The following PSMA8 variants were observed in gnomAD, a reference collection of about 807,000 sequenced individuals.
The protein encoded by PSMA8 is proteasome subunit alpha-type 8.
Under a neutral mutation model 32.4 loss-of-function variants are expected in PSMA8, and 18 were observed. The ratio of observed to expected loss-of-function variants is 0.56; its 90% CI spans 0.38 to 0.82. The LOEUF is 0.82. Ranked by LOEUF, PSMA8 falls within the 40% of genes least tolerant of loss-of-function variation. The pLI is 0.00. For synonymous variants in PSMA8, 104 were observed against 98.1 expected, an observed-to-expected ratio of 1.06 and a Z score of -0.36; for missense variants, 298 against 300.7, an observed-to-expected ratio of 0.99 and a Z score of 0.07.
At position 26,192,319 on chromosome 18, in the gene PSMA8, A is replaced by G; in HGVS notation, c.661A>G (p.Met221Val). 1 of 1,497,936 alleles carries G rather than the reference A, an allele frequency of 6.7e-7. No homozygotes were observed. Among genetic ancestry groups the G allele is most frequent in the Non-Finnish European group, 8.8e-7 (1 of 1,133,458 alleles). The allele number at this position is 1,497,936 out of a possible 1,614,324, so 92.8% of individuals were successfully genotyped here. Residue 221 changes from methionine to valine, a missense_variant and splice_region_variant, in exon 7 of 7, where the codon ATG (methionine) becomes GTG (valine). Physicochemically the swap from Met to Val is conservative, Grantham distance 21. Coordinates refer to ENST00000415576, the MANE Select transcript of PSMA8 (RefSeq NM_001025096.2). ...TCTTTAAATTTTTTTCTCTTTTCAG[A>G]TGTTTAGTGCAAAAGAAGTTGAATT... ...AIIRRNQPLK[M>V]FSAKEVELYV...
intron 6 of PSMA8, among the ~76,000 whole-genome samples, chr18:26,185,561 G>A (rs2055346331): frequency 6.6e-6 from 1 of 150,712 alleles, no homozygotes; most frequent in African/African-American, 2.4e-5. Flanking sequence ...CAATCTGATT[G>A]GAAGACTGAA....
intron 4 of PSMA8, among the ~76,000 whole-genome samples, chr18:26,178,464 T>C (rs1304979587): frequency 1.3e-5 from 2 of 152,016 alleles, no homozygotes; most frequent in African/African-American, 4.8e-5. Flanking sequence ...CTGAGTGTGG[T>C]GATGCATACC....
chr18:26,146,414 T>C (rs1008341516), intron 2 of PSMA8, among the ~76,000 whole-genome samples: 12 of 152,210 alleles, frequency 7.9e-5, no homozygotes, highest in Admixed American at 4.6e-4. Context: ...AATGCCTTTA[T>C]TGTGCTGTCT....
intron 1 of PSMA8, among the ~76,000 whole-genome samples, chr18:26,143,732 T>A (rs1466082603): frequency 6.6e-6 from 1 of 152,268 alleles, no homozygotes; most frequent in East Asian, 1.9e-4. Context: ...ATACTTTCTT[T>A]TTTTTTTGAG....
chr18:26,161,502 A>G (rs943204385), intron 4 of PSMA8, among the ~76,000 whole-genome samples: 2 of 152,250 alleles, frequency 1.3e-5, no homozygotes, highest in Admixed American at 6.5e-5. Context: ...TCTCATGAAC[A>G]TAAGCCAATT....
At chr18:26,180,114 G>C (rs764521467) in intron 6 of PSMA8, among the ~76,000 whole-genome samples, 1 of 152,004 alleles carries the variant, frequency 6.6e-6, no homozygotes, top group African/African-American at 2.4e-5. Context: ...ATAGCTGGGC[G>C]TGGTGGCAGA....
At position 26,133,915 on chromosome 18, in the gene PSMA8, C is replaced by A; in HGVS notation, c.-51C>A. ...GTGTTGGCGGCGGCTCCCCGCTTGC[C>A]TCAGCTGCAGCAGCGGGAAGCTCGG... On this transcript the variant is annotated 5_prime_UTR_variant, in exon 1 of 7. Coordinates refer to ENST00000415576, the MANE Select transcript of PSMA8 (RefSeq NM_001025096.2). 1 of 1,502,548 alleles carries A rather than the reference C, an allele frequency of 6.7e-7. No individual in the cohort carries two copies. Among genetic ancestry groups the A allele is most frequent in the Non-Finnish European group, 9.3e-7 (1 of 1,080,690 alleles). The allele number at this position is 1,502,548 out of a possible 1,614,324, so 93.1% of individuals were successfully genotyped here.
chr18:26,172,186 C>T (rs1039863466), intron 4 of PSMA8, among the ~76,000 whole-genome samples: 1 of 152,172 alleles, frequency 6.6e-6, no homozygotes, highest in Non-Finnish European at 1.5e-5. Flanking sequence ...AACAATAATA[C>T]AGTAAATACC....
intron 2 of PSMA8, 103 bp downstream of exon 2, chr18:26,144,788 G>C (rs1231808455): frequency 3.6e-6 from 4 of 1,121,470 alleles, no homozygotes; most frequent in Non-Finnish European, 5.1e-6. Context: ...AACATGTGGA[G>C]TTGTTCTACA....
chr18:26,158,888 G>T (rs2055112540), intron 4 of PSMA8, among the ~76,000 whole-genome samples: 1 of 152,098 alleles, frequency 6.6e-6, no homozygotes, highest in African/African-American at 2.4e-5. Flanking sequence ...CAGGGGGATT[G>T]CTTGAGTCCA....
chr18:26,149,073 C>G (rs1403897456), intron 2 of PSMA8, among the ~76,000 whole-genome samples: 2 of 152,016 alleles, frequency 1.3e-5, no homozygotes, highest in African/African-American at 4.8e-5. Context: ...AAACTCTTGG[C>G]CTCAAGTGAT....
rs536412396 is a variant in PSMA8 at position 26,169,179 on chromosome 18, G to A, written c.478-9651G>A. ...GTGTTTTTTGTAGAGATGGGGCTTC[G>A]CCATGTTGCCCAAGCTGGTCTCAAG... On this transcript the variant is annotated intron_variant, in intron 4 of 6. Transcript: ENST00000415576. Among the ~76,000 whole-genome samples, 67 of 131,344 alleles carry A rather than the reference G, an allele frequency of 5.1e-4. 9 individuals are homozygous for A. Among genetic ancestry groups the A allele is most frequent in the Non-Finnish European group, 8.2e-4 (55 of 67,172 alleles). The allele number at this position is 131,344 out of a possible 152,430, so 86.2% of individuals were successfully genotyped here.
At chr18:26,154,155 G>A (rs1485604706) in intron 3 of PSMA8, among the ~76,000 whole-genome samples, 1 of 152,170 alleles carries the variant, frequency 6.6e-6, no homozygotes, top group Non-Finnish European at 1.5e-5. Context: ...GCCCGTCTCA[G>A]CCTCCCAAAG....
intron 1 of PSMA8, among the ~76,000 whole-genome samples, chr18:26,141,467 T>C (rs1338374692): frequency 2.0e-5 from 3 of 152,116 alleles, no homozygotes; most frequent in Non-Finnish European, 4.4e-5. Flanking sequence ...TGAGAATATT[T>C]TGAGATTTTT....
Position 26,184,773 on chromosome 18 carries a change from CAA to C in PSMA8, c.660+5661_660+5662del, listed in dbSNP as rs1278227957. On this transcript the variant is annotated intron_variant, in intron 6 of 6. Transcript: ENST00000415576. ...TAGGCGATAGAGCAAGACTCTGTCT[CAA>C]AAAAAAAAAAAAAAAAAGTTGTTTT... is the stretch of plus-strand genomic sequence containing the variant. 3.0e-3 allele frequency among the ~76,000 whole-genome samples: 232 copies of C among 76,962 alleles called. 2 individuals are homozygous for C. The highest frequency in any genetic ancestry group is 0.01 in the African/African-American group (205 of 19,992). 50.5% of individuals were successfully genotyped at this position (76,962 alleles called of 152,430 possible).
intron 1 of PSMA8, among the ~76,000 whole-genome samples, chr18:26,134,367 C>G (rs7230695): frequency 8.3e-4 from 110 of 131,984 alleles, no homozygotes; most frequent in African/African-American, 3.6e-3. Context: ...GTGTGTGTCT[C>G]TGTGTGTGTG....
intron 2 of PSMA8, 65 bp from the exon 3 acceptor site, chr18:26,151,793 A>G: frequency 6.8e-7 from 1 of 1,472,996 alleles, no homozygotes; most frequent in Non-Finnish European, 9.1e-7. Context: ...CCCATTTGAC[A>G]AGGAAAAATG....
intron 6 of PSMA8, among the ~76,000 whole-genome samples, chr18:26,180,239 C>A (rs2055299758): frequency 6.6e-6 from 1 of 152,138 alleles, no homozygotes; most frequent in African/African-American, 2.4e-5. Context: ...GACCAAGACT[C>A]CATCTCAAAA....
chr18:26,134,095 T>TC, intron 1 of PSMA8, 28 bp downstream of exon 1: 1 of 1,548,332 alleles, frequency 6.5e-7, no homozygotes, highest in South Asian at 1.1e-5. Context: ...ACCGGACTAT[T>TC]CCCCGCTCTG....
Sources: gnomAD v4.1 joint callset for allele counts (sites outside exome capture counted in the v4.1 genomes callset) on GRCh38, gnomAD v4.1.1 for gene constraint, MANE v1.5 for transcripts, NCBI Gene and HGNC (gene_info 2026-07-23, HGNC 2026-07-21) for gene names.